The following ARHGAP29 variants were observed in gnomAD, a reference collection of about 807,000 sequenced individuals.
ARHGAP29 encodes rho GTPase-activating protein 29.
A neutral mutation model predicts 122.6 loss-of-function variants in ARHGAP29; 43 were observed. The ratio of observed to expected loss-of-function variants is 0.35; its 90% confidence interval spans 0.27 to 0.45. The LOEUF (loss-of-function observed/expected upper bound fraction) is 0.45. Among genes scored for constraint, ARHGAP29 ranks in the 20% least tolerant of loss-of-function variants. The pLI, the probability that ARHGAP29 is intolerant of heterozygous loss-of-function variation, is 1.00. For missense variants in ARHGAP29, 1,303 were observed against 1,477.2 expected (o/e 0.88, Z 1.93); for synonymous variants, 506 against 497.1 (o/e 1.02, Z -0.24).
upstream of ARHGAP29, chr1:94,237,695 CCGCGGCA>C (rs1653386795): frequency 1.0e-6 from 1 of 985,330 alleles, no homozygotes; most frequent in Non-Finnish European, 1.2e-6. Flanking sequence ...GGGCCGGCGA[CCGCGGCA>C]GGTACGGGAG....
Position 94,188,323 on chromosome 1 carries a change from C to T in ARHGAP29, c.1681+514G>A, listed in dbSNP as rs1476871092. On this transcript the variant is annotated intron_variant, in intron 15 of 22. Transcript: ENST00000260526. ...ATAAGTAATTGCAGGCACAGAAATA[C>T]CAAAATAACATTGTTTACTATAGCA... Among the ~76,000 whole-genome samples the T allele has an allele frequency of 2.6e-5, 4 of 151,936 alleles. 1 individual carries two copies.
intron 2 of ARHGAP29, among the ~76,000 whole-genome samples, chr1:94,225,057 T>C (rs1327379760): frequency 3.3e-5 from 5 of 152,142 alleles, no homozygotes; most frequent in African/African-American, 9.7e-5. Flanking sequence ...TTTCTATATA[T>C]TTGGGCAGAA....
At chr1:94,301,439 A>T in the ARHGAP29 span, among the ~76,000 whole-genome samples, 2 of 152,144 alleles carry the variant, frequency 1.3e-5, no homozygotes, top group Non-Finnish European at 2.9e-5. Context: ...CTAAGTTTTT[A>T]AAATGAACAC....
the ARHGAP29 span, among the ~76,000 whole-genome samples, chr1:94,294,783 A>G: frequency 8.5e-5 from 13 of 152,242 alleles, no homozygotes; most frequent in Non-Finnish European, 1.8e-4. Flanking sequence ...CCTGGAAAAT[A>G]CTAACGTTCA....
chr1:94,176,236 T>C (rs1162727749), intron 22 of ARHGAP29, among the ~76,000 whole-genome samples: 3 of 152,230 alleles, frequency 2.0e-5, no homozygotes, highest in Non-Finnish European at 2.9e-5. Flanking sequence ...GTCCTATGTG[T>C]CTTCATCTGC....
In ARHGAP29 at chr1:94,173,006, A is replaced by C. The variant is rs1174718592; in HGVS notation, c.*863T>G. ...AAAAGGAATGGTTTTAACCCAGACA[A>C]ATCAAGAGGAAATGCACTGAATTCA... On this transcript the variant is annotated 3_prime_UTR_variant, in exon 23 of 23. Transcript: ENST00000260526. 6.6e-6 allele frequency: 1 copy of C among 152,596 alleles called. No individual in the cohort carries two copies. Among genetic ancestry groups the C allele is most frequent in the Non-Finnish European group, 1.5e-5 (1 of 68,002 alleles). The allele number at this position is 152,596 out of a possible 1,614,324, so 9.5% of individuals were successfully genotyped here. A position where few individuals can be genotyped will look rare whatever the true frequency, so the allele number is the denominator to read the frequency against.
chr1:94,304,105 T>G, the ARHGAP29 span, among the ~76,000 whole-genome samples: 3 of 152,196 alleles, frequency 2.0e-5, no homozygotes, highest in Admixed American at 2.0e-4. Flanking sequence ...ATGCTAGTTA[T>G]TCTGCTGGAA....
chr1:94,301,506 C>A, the ARHGAP29 span, among the ~76,000 whole-genome samples: 1 of 152,324 alleles, frequency 6.6e-6, no homozygotes, highest in South Asian at 2.1e-4. Flanking sequence ...TGATTGCACC[C>A]ATGTGACCGT....
At chr1:94,185,587 T>C (rs1649749047) in intron 16 of ARHGAP29, 106 bp from the exon 17 acceptor site, 4 of 1,014,148 alleles carry the variant, frequency 3.9e-6, no homozygotes, top group African/African-American at 1.7e-5. Context: ...TCATATATTA[T>C]AAAAAGCTTT....
At chr1:94,215,265 T>C (rs1188387717) in intron 3 of ARHGAP29, among the ~76,000 whole-genome samples, 1 of 151,734 alleles carries the variant, frequency 6.6e-6, no homozygotes, top group South Asian at 2.1e-4. Context: ...ACTAAATATG[T>C]ATATTTTCCT....
chr1:94,176,060 G>A (rs1439117468), intron 22 of ARHGAP29, among the ~76,000 whole-genome samples: 3 of 152,022 alleles, frequency 2.0e-5, no homozygotes, highest in African/African-American at 7.3e-5. Flanking sequence ...GCATTCTAAG[G>A]GACCTGGTTC....
chr1:94,177,632 T>C lies in ARHGAP29; in HGVS notation c.2885A>G (p.Lys962Arg), dbSNP rs373088208. Residue 962 changes from lysine (K) to arginine (R), a missense_variant, in exon 22 of 23, where the codon AAA (lysine) becomes AGA (arginine). This residue lies in a region of ARHGAP29 where 620 missense variants were observed against 651.2 expected (regional missense o/e 0.95). Transcript: ENST00000260526. Reference protein sequence around the residue: ...ESERKQNALGKCDACLSDKAQ... With the variant: ...ESERKQNALGRCDACLSDKAQ... ...CTCACCACTGAGACATGCATCACAT[T>C]TTCCTAACGCATTTTGCTTGCGTTC... is the stretch of plus-strand genomic sequence containing the variant. 6.2e-7 allele frequency: 1 copy of C among 1,611,772 alleles called. No individual in the cohort carries two copies. The highest frequency in any genetic ancestry group is 8.5e-7 in the Non-Finnish European group (1 of 1,179,304).
intron 12 of ARHGAP29, among the ~76,000 whole-genome samples, chr1:94,198,189 A>G (rs1302284118): frequency 2.7e-5 from 2 of 73,182 alleles, no homozygotes; most frequent in East Asian, 5.4e-4. Context: ...ATTAACAATT[A>G]AAACAGCCAG....
intron 1 of ARHGAP29, among the ~76,000 whole-genome samples, chr1:94,245,033 A>G (rs770157353): frequency 3.0e-4 from 46 of 152,214 alleles, no homozygotes; most frequent in Non-Finnish European, 8.8e-5. Flanking sequence ...GCAAATTTCA[A>G]CTTCTATGAG....
At chr1:94,186,295 A>G (rs1272129926) in intron 16 of ARHGAP29, among the ~76,000 whole-genome samples, 2 of 152,192 alleles carry the variant, frequency 1.3e-5, no homozygotes, top group African/African-American at 4.8e-5. Context: ...GCCTATTCTT[A>G]TATTTGTATT....
In ARHGAP29 at chr1:94,174,715, T is replaced by A; in HGVS notation, c.2940A>T (p.Glu980Asp). The change falls in exon 23 of 23, where the codon GAA becomes GAT. Residue 980 changes from glutamate to aspartate, a missense_variant. Physicochemically the swap from Glu to Asp is conservative, Grantham distance 45. Transcript: ENST00000260526. ...KAQLLLDQEA[E>D]SASQKIEDGK... ...CATCTTCTATCTTTTGGGATGCTGA[T>A]TCAGCCTCTTGGTCTAGAAGCAACT... 6.2e-7 allele frequency: 1 copy of A among 1,614,098 alleles called. No homozygotes were observed. Among genetic ancestry groups the A allele is most frequent in the Non-Finnish European group, 8.5e-7 (1 of 1,180,004 alleles).
At chr1:94,197,558 A>T (rs989553679) in intron 12 of ARHGAP29, among the ~76,000 whole-genome samples, 5 of 151,924 alleles carry the variant, frequency 3.3e-5, no homozygotes, top group African/African-American at 1.2e-4. Flanking sequence ...AGACAAAAAC[A>T]TTTTTTTTAG....
chr1:94,238,887 T>C (rs762987262), upstream of ARHGAP29, among the ~76,000 whole-genome samples: 13 of 152,068 alleles, frequency 8.5e-5, no homozygotes, highest in African/African-American at 2.7e-4. Context: ...TACATAGACA[T>C]ATCTTTGAAC....
intron 12 of ARHGAP29, among the ~76,000 whole-genome samples, chr1:94,197,360 C>T (rs958140680): frequency 3.3e-5 from 5 of 151,762 alleles, no homozygotes; most frequent in East Asian, 3.9e-4. Flanking sequence ...ACACTGAATA[C>T]GTAGTAAAAA....
Sources: gnomAD v4.1 joint callset for allele counts (sites outside exome capture counted in the v4.1 genomes callset) on GRCh38, gnomAD v4.1.1 for gene constraint, gnomAD v4.1.1 regional missense constraint, MANE v1.5 for transcripts, NCBI Gene and HGNC (gene_info 2026-07-23, HGNC 2026-07-21) for gene names.